The following FMNL3 variants were observed in gnomAD, a reference collection of about 807,000 sequenced individuals.
The protein encoded by FMNL3 is formin like 3.
FMNL3 carries 57 observed loss-of-function variants against 119.6 expected under a neutral mutation model. The ratio of observed to expected loss-of-function variants is 0.48; its 90% confidence interval spans 0.39 to 0.59. FMNL3 has a LOEUF of 0.59. Ranked by LOEUF, FMNL3 falls within the 20% of genes least tolerant of loss-of-function variation. The pLI is 0.00. For synonymous variants in FMNL3, 491 were observed against 507.3 expected (o/e 0.97, Z 0.43); for missense variants, 1,053 against 1,323.5 (o/e 0.80, Z 3.17).
intron 2 of FMNL3, 30 bp downstream of exon 2, chr12:49,668,441 T>TAC: frequency 6.2e-7 from 1 of 1,609,058 alleles, no homozygotes; most frequent in Non-Finnish European, 8.5e-7. Flanking sequence ...CACAACTCCC[T>TAC]ACCTCCCTCC....
chr12:49,690,489 C>A (rs549381974), intron 1 of FMNL3, among the ~76,000 whole-genome samples: 194 of 151,986 alleles, frequency 1.3e-3, no homozygotes, highest in Non-Finnish European at 2.1e-3. Flanking sequence ...TCTATGAGGG[C>A]AAAGGAATTC....
rs1942340136 is a variant in FMNL3, at chr12:49,639,697, G to A, written c.*6118C>T. On this transcript the variant is annotated 3_prime_UTR_variant, in exon 26 of 26. Transcript: ENST00000335154. ...GTTTCTGCTGTTTAAAAAAAAAAGG[G>A]AGAATTCAACACCAGTGGGATAGAG... is the stretch of plus-strand genomic sequence containing the variant. The A allele has an allele frequency of 6.6e-6, 1 of 152,100 alleles. No homozygotes were observed. The highest frequency in any genetic ancestry group is 2.4e-5 in the African/African-American group (1 of 41,408). 9.4% of individuals were successfully genotyped at this position (152,100 alleles called of 1,614,324 possible). A position where few individuals can be genotyped will look rare whatever the true frequency, so the allele number is the denominator to read the frequency against.
In FMNL3 at chr12:49,641,027, A is replaced by G. The variant is rs1160976085; in HGVS notation, c.*4788T>C. On this transcript the variant is annotated 3_prime_UTR_variant, in exon 26 of 26. Transcript: ENST00000335154. ...AAAAAGGCCAGAGGAGGTGAGAGCT[A>G]TGTGGAGGGAGAGAAAGGGAATCTG... is the stretch of plus-strand genomic sequence containing the variant. 3 of 152,284 alleles carry G rather than the reference A, an allele frequency of 2.0e-5. No homozygotes were observed. The highest frequency in any genetic ancestry group is 7.2e-5 in the African/African-American group (3 of 41,466). The allele number at this position is 152,284 out of a possible 1,614,324, so 9.4% of individuals were successfully genotyped here. A position where few individuals can be genotyped will look rare whatever the true frequency, so the allele number is the denominator to read the frequency against.
At chr12:49,656,701 G>T in intron 8 of FMNL3, 122 bp downstream of exon 8, 1 of 1,026,614 alleles carries the variant, frequency 9.7e-7, no homozygotes, top group Non-Finnish European at 1.5e-6. Context: ...AGCAGAGGAG[G>T]GGGCCAAACC....
At position 49,649,424 on chromosome 12, in the gene FMNL3, T is replaced by A; in HGVS notation, c.2304+46A>T. On this transcript the variant is annotated intron_variant, in intron 19 of 25. Coordinates refer to ENST00000335154, the MANE Select transcript of FMNL3 (RefSeq NM_175736.5). The surrounding 1 kb of genome is among the most constrained non-coding windows in gnomAD (Gnocchi z 5.6). ...CTCTGTATAGCCCCAGGCCCCCACC[T>A]AGGACCTGAAAACCCCCAGCACCCC... 6.2e-7 allele frequency: 1 copy of A among 1,612,788 alleles called. No individual in the cohort carries two copies. Among genetic ancestry groups the A allele is most frequent in the South Asian group, 1.1e-5 (1 of 91,054 alleles).
chr12:49,680,253 T>C (rs1944302369), intron 1 of FMNL3, among the ~76,000 whole-genome samples: 2 of 152,212 alleles, frequency 1.3e-5, no homozygotes, highest in South Asian at 4.1e-4. Flanking sequence ...TATAAAGCCA[T>C]AAAACTTAAT....
chr12:49,670,926 A>G (rs1214108678), intron 1 of FMNL3, among the ~76,000 whole-genome samples: 1 of 152,206 alleles, frequency 6.6e-6, no homozygotes, highest in Non-Finnish European at 1.5e-5. Flanking sequence ...GACAGAACTG[A>G]GCAGAAATAG....
intron 1 of FMNL3, among the ~76,000 whole-genome samples, chr12:49,703,903 C>T (rs1397102953): frequency 6.6e-6 from 1 of 152,158 alleles, no homozygotes; most frequent in Non-Finnish European, 1.5e-5. Flanking sequence ...AGCCCTCCAG[C>T]TTACAGCAGC....
intron 4 of FMNL3, among the ~76,000 whole-genome samples, chr12:49,665,070 T>A (rs1184909656): frequency 6.6e-6 from 1 of 152,134 alleles, no homozygotes; most frequent in Non-Finnish European, 1.5e-5. Flanking sequence ...CGCACACATA[T>A]ACACACTTTC....
intron 13 of FMNL3, among the ~76,000 whole-genome samples, 191 bp from the exon 14 acceptor site, chr12:49,652,403 A>G (rs1291157552): frequency 1.3e-5 from 2 of 152,164 alleles, no homozygotes; most frequent in Non-Finnish European, 2.9e-5. Flanking sequence ...GGCAAGCAGA[A>G]GCTGCCTCCC....
chr12:49,656,312 T>C (rs1199935445), intron 9 of FMNL3, 92 bp downstream of exon 9: 3 of 937,464 alleles, frequency 3.2e-6, no homozygotes, highest in African/African-American at 1.7e-5. Context: ...TTAAAAATCA[T>C]TGCAGATCAC....
rs1451166751 is a variant in FMNL3 at position 49,637,283 on chromosome 12, T to G, written c.*8532A>C. 3 of 600,352 alleles carry G rather than the reference T, an allele frequency of 5.0e-6. No individual in the cohort carries two copies. In the African/African-American group the frequency reaches 5.6e-5, roughly 11 times the overall value. The allele number at this position is 600,352 out of a possible 1,614,324, so 37.2% of individuals were successfully genotyped here. On this transcript the variant is annotated 3_prime_UTR_variant, in exon 26 of 26. Coordinates refer to ENST00000335154, the MANE Select transcript of FMNL3 (RefSeq NM_175736.5). Reference sequence around the variant, plus strand: ...TTTTGTTCTGTCCCTCTCTGTGTATTTACTTTCTCTCTTTTTGCATTGTTC... The same window carrying G: ...TTTTGTTCTGTCCCTCTCTGTGTATGTACTTTCTCTCTTTTTGCATTGTTC...
Position 49,643,777 on chromosome 12 carries a change from GC to G in FMNL3, c.*2037del. 6.2e-7 allele frequency: 1 copy of G among 1,613,702 alleles called. No homozygotes were observed. Among genetic ancestry groups the G allele is most frequent in the Non-Finnish European group, 8.5e-7 (1 of 1,179,916 alleles). On this transcript the variant is annotated 3_prime_UTR_variant, in exon 26 of 26. Transcript: ENST00000335154. ...GGTGAGTGAAGGAACTTCTACCTAA[GC>G]CCCTGCTATTTTGTGAGTTCTGTTC...
chr12:49,670,632 T>C (rs779768113), intron 1 of FMNL3, among the ~76,000 whole-genome samples: 6 of 152,188 alleles, frequency 3.9e-5, no homozygotes, highest in African/African-American at 1.4e-4. Flanking sequence ...CCCCACATCA[T>C]ACCTCTCCCC....
Position 49,642,982 on chromosome 12 carries a change from A to G in FMNL3, c.*2833T>C, listed in dbSNP as rs1208582168. 1 of 1,613,840 alleles carries G rather than the reference A, an allele frequency of 6.2e-7. No homozygotes were observed. The highest frequency in any genetic ancestry group is 8.5e-7 in the Non-Finnish European group (1 of 1,179,904). ...GGCCGAAAGCATGGCAGGAAAGGCA[A>G]GAAGCACCATCACAAGCGTTCCCAC... On this transcript the variant is annotated 3_prime_UTR_variant, in exon 26 of 26. Transcript: ENST00000335154. This position sits in a 1 kb window ranked among gnomAD's most constrained non-coding sequence, Gnocchi z 5.8.
At chr12:49,699,209 G>A (rs1412728252) in intron 1 of FMNL3, among the ~76,000 whole-genome samples, 1 of 152,164 alleles carries the variant, frequency 6.6e-6, no homozygotes, top group African/African-American at 2.4e-5. Flanking sequence ...GCTGACTTCA[G>A]GCAGCCAACA....
At position 49,707,090 on chromosome 12, in the gene FMNL3, G is replaced by A. The variant is rs1945070404; in HGVS notation, c.91C>T (p.Pro31Ser). ...LPPGKMPMPE[P>S]CELEERFALV... Reference sequence around the variant, plus strand: ...GCGAACCTTTCCTCCAGCTCACAGGGCTCAGGCATCGGCATCTTGCCGGGC... The same window carrying A: ...GCGAACCTTTCCTCCAGCTCACAGGACTCAGGCATCGGCATCTTGCCGGGC... Residue 31 changes from proline to serine, a missense_variant, in exon 1 of 26, where the codon CCC becomes TCC. Transcript: ENST00000335154. 1.3e-6 allele frequency: 2 copies of A among 1,599,260 alleles called. No individual in the cohort carries two copies. Among genetic ancestry groups the A allele is most frequent in the Middle Eastern group, 1.7e-4 (1 of 6,034 alleles).
intron 1 of FMNL3, among the ~76,000 whole-genome samples, chr12:49,672,936 A>T (rs1050383635): frequency 6.6e-6 from 1 of 152,264 alleles, no homozygotes; most frequent in African/African-American, 2.4e-5. Context: ...AAAATGGCAT[A>T]GCTTCGAGAG....
intron 1 of FMNL3, among the ~76,000 whole-genome samples, chr12:49,671,986 A>G (rs1332245935): frequency 6.6e-6 from 1 of 152,158 alleles, no homozygotes; most frequent in Non-Finnish European, 1.5e-5. Context: ...TAATCTCACT[A>G]CTTCACAGGG....
Sources: allele counts gnomAD v4.1 joint callset (sites outside exome capture counted in the v4.1 genomes callset), GRCh38; gene constraint gnomAD v4.1.1; non-coding constraint Gnocchi (gnomAD v3.1); transcripts MANE v1.5; gene names NCBI Gene and HGNC (gene_info 2026-07-23, HGNC 2026-07-21).